ZNF609: variants seen among roughly 807,000 people sequenced by gnomAD.
ZNF609 encodes zinc finger protein 609.
A neutral mutation model predicts 109.5 loss-of-function variants in ZNF609; 11 were observed. The ratio of observed to expected loss-of-function variants is 0.10; its 90% CI spans 0.06 to 0.17. The LOEUF (loss-of-function observed/expected upper bound fraction) is 0.17, where lower values mean the gene tolerates loss of function less well. Ranked by LOEUF, ZNF609 falls within the 10% of genes least tolerant of loss-of-function variation. The probability of loss-of-function intolerance (pLI) is 1.00; values close to 1 mark genes in which losing one functional copy is unlikely to be tolerated. For missense variants in ZNF609, 1,559 were observed against 1,772.4 expected, an observed-to-expected ratio of 0.88 and a Z score of 2.16; for synonymous variants, 646 against 662.0, an observed-to-expected ratio of 0.98 and a Z score of 0.37.
In ZNF609 at chr15:64,510,209, TTTTTTTTTTTTAACAGACAGGGTC is replaced by T. The variant is rs1225431679; in HGVS notation, c.747+10045_747+10068del. On this transcript the variant is annotated intron_variant, in intron 2 of 9. Coordinates refer to ENST00000326648, the MANE Select transcript of ZNF609 (RefSeq NM_015042.2). ...ACATTGTTATAATTTTTTTTTCTTT[TTTTTTTTTTTTAACAGACAGGGTC>T]TCCCTCTGTTGCCTAGGCTGCAGTG... Among the ~76,000 whole-genome samples the T allele has an allele frequency of 1.1e-3, 165 of 150,686 alleles. 1 individual carries two copies. Among genetic ancestry groups the T allele is most frequent in the African/African-American group, 3.7e-3 (153 of 41,228 alleles).
intron 1 of ZNF609, among the ~76,000 whole-genome samples, chr15:64,494,484 TCA>T (rs1359030302): frequency 6.6e-6 from 1 of 152,080 alleles, no homozygotes; most frequent in Non-Finnish European, 1.5e-5. Flanking sequence ...ACCCTCAGAG[TCA>T]CAGAGTTACT....
intron 2 of ZNF609, among the ~76,000 whole-genome samples, chr15:64,583,788 C>G (rs1895150018): frequency 6.6e-6 from 1 of 152,104 alleles, no homozygotes; most frequent in African/African-American, 2.4e-5. Flanking sequence ...ATCTAGAGCT[C>G]TGATTGTATC....
At chr15:64,656,227 C>A (rs1166721488) in intron 3 of ZNF609, among the ~76,000 whole-genome samples, 1 of 151,974 alleles carries the variant, frequency 6.6e-6, no homozygotes, top group Non-Finnish European at 1.5e-5. Context: ...TCACACCCAG[C>A]CAATTTTTGT....
chr15:64,669,114 A>G (rs1464482310), intron 3 of ZNF609, among the ~76,000 whole-genome samples: 2 of 152,122 alleles, frequency 1.3e-5, no homozygotes, highest in Non-Finnish European at 2.9e-5. Context: ...AAATGGGTAT[A>G]TGAATGAGTA....
chr15:64,670,387 G>A lies in ZNF609; in HGVS notation c.1015G>A (p.Val339Ile). The A allele has an allele frequency of 6.2e-7, 1 of 1,614,148 alleles. No homozygotes were observed. Residue 339 changes from valine to isoleucine, a missense_variant, in exon 4 of 10, where the codon GTA becomes ATA. Around this residue, in one of 4 missense-constraint regions of ZNF609, gnomAD observed 38 missense variants for 82.1 expected, o/e 0.46. Transcript: ENST00000326648. ...TGTAACGTGGAGGAACAAGACATAT[G>A]TAGGTACACTCCTTGACTGCACACG... Reference protein sequence around the residue: ...VNVTWRNKTYVGTLLDCTRHD... With the variant: ...VNVTWRNKTYIGTLLDCTRHD...
intron 2 of ZNF609, among the ~76,000 whole-genome samples, chr15:64,558,537 T>C (rs1326696227): frequency 1.3e-5 from 2 of 152,254 alleles, no homozygotes; most frequent in African/African-American, 4.8e-5. Context: ...TTAGAGTTTA[T>C]ATCTTCCTTC....
At chr15:64,592,970 G>A (rs1453284086) in intron 2 of ZNF609, 32 of 1,119,292 alleles carry the variant, frequency 2.9e-5, no homozygotes, top group Admixed American at 1.2e-4. Flanking sequence ...TCCGGTCCGT[G>A]CCTCCAAGAT....
chr15:64,609,910 C>T (rs1895690091), intron 2 of ZNF609, among the ~76,000 whole-genome samples: 1 of 151,812 alleles, frequency 6.6e-6, no homozygotes, highest in Admixed American at 6.6e-5. Context: ...CACCTGTAGT[C>T]CCAGCTGCTC....
At chr15:64,473,082 T>C (rs934936405) in intron 1 of ZNF609, among the ~76,000 whole-genome samples, 1 of 152,102 alleles carries the variant, frequency 6.6e-6, no homozygotes, top group Non-Finnish European at 1.5e-5. Flanking sequence ...GGCATATGCT[T>C]TCAGATGTAC....
chr15:64,502,940 T>C (rs960769479), intron 2 of ZNF609: 1 of 151,918 alleles, frequency 6.6e-6, no homozygotes, highest in Non-Finnish European at 1.5e-5. Context: ...GCACCCGTAA[T>C]CCCAGCTACT....
chr15:64,555,886 CAAAAAAA>C (rs963732035), intron 2 of ZNF609, among the ~76,000 whole-genome samples: 1,364 of 38,882 alleles, frequency 0.035, 19 homozygotes, highest in African/African-American at 0.11. Context: ...GACTCTGTCT[CAAAAAAA>C]AAAAAAAAAA....
At chr15:64,526,914 G>A (rs976647529) in intron 2 of ZNF609, among the ~76,000 whole-genome samples, 1 of 152,116 alleles carries the variant, frequency 6.6e-6, no homozygotes, top group African/African-American at 2.4e-5. Context: ...CAATCCCAAA[G>A]TGCTGGGATT....
chr15:64,655,939 A>C lies in ZNF609; in HGVS notation c.974-14407A>C, dbSNP rs908273485. Reference sequence around the variant, plus strand: ...TTGTGTAAAATGGAATAAGTAATTAACTAACAAGGGGAAGCTGAAAACAAC... The same window carrying C: ...TTGTGTAAAATGGAATAAGTAATTACCTAACAAGGGGAAGCTGAAAACAAC... On this transcript the variant is annotated intron_variant, in intron 3 of 9. Coordinates refer to ENST00000326648, the MANE Select transcript of ZNF609 (RefSeq NM_015042.2). Among the ~76,000 whole-genome samples the C allele has an allele frequency of 2.6e-5, 4 of 152,342 alleles. No homozygotes were observed. The South Asian group carries it at 6.2e-4, about 24-fold the overall frequency.
intron 2 of ZNF609, among the ~76,000 whole-genome samples, chr15:64,616,680 C>T (rs969676236): frequency 4.1e-4 from 62 of 151,460 alleles, no homozygotes; most frequent in African/African-American, 8.2e-4. Context: ...CCACCACACC[C>T]GGCTAATTTT....
Position 64,581,462 on chromosome 15 carries a change from TC to T in ZNF609, c.748-41362del, listed in dbSNP as rs772574703. Among the ~76,000 whole-genome samples, 7 of 152,072 alleles carry T rather than the reference TC, an allele frequency of 4.6e-5. 1 individual carries two copies. Among genetic ancestry groups the T allele is most frequent in the Non-Finnish European group, 8.8e-5 (6 of 68,006 alleles). The stretch of plus-strand genomic sequence containing the variant: ...TCAGGCAGCCACAAAGTTAAGCACT[TC>T]CCTATATTTTTCACAAATACTCCTA... On this transcript the variant is annotated intron_variant, in intron 2 of 9. Transcript: ENST00000326648.
At position 64,553,134 on chromosome 15, in the gene ZNF609, A is replaced by G. The variant is rs1015247054; in HGVS notation, c.747+52968A>G. Among the ~76,000 whole-genome samples, 4 of 152,294 alleles carry G rather than the reference A, an allele frequency of 2.6e-5. No individual in the cohort carries two copies. In the East Asian group the frequency reaches 7.7e-4, roughly 29 times the overall value. On this transcript the variant is annotated intron_variant, in intron 2 of 9. Transcript: ENST00000326648. ...TGTCTATCTTAGTTGGCATTACTAC[A>G]TGTCTTGATTACTATAACTTTATAA... is the stretch of plus-strand genomic sequence containing the variant.
rs569189341 is a variant in ZNF609, at chr15:64,475,919, C to T, written c.-128+15081C>T. Among the ~76,000 whole-genome samples the T allele has an allele frequency of 7.2e-5, 11 of 152,274 alleles. No homozygotes were observed. The East Asian group carries it at 2.1e-3, about 29-fold the overall frequency. ...TTTTTATGCAAAAGTAACGTAACTT[C>T]CATTCAACACATTTTATCCCAAATT... On this transcript the variant is annotated intron_variant, in intron 1 of 9. Transcript: ENST00000326648.
intron 3 of ZNF609, among the ~76,000 whole-genome samples, chr15:64,625,914 A>AAT (rs1330194907): frequency 8.4e-4 from 87 of 103,034 alleles, no homozygotes; most frequent in South Asian, 6.0e-3. Context: ...AAAAAAAAAA[A>AAT]ATATATATAT....
chr15:64,672,215 T>C (rs1319871999), intron 4 of ZNF609, among the ~76,000 whole-genome samples: 1 of 149,702 alleles, frequency 6.7e-6, no homozygotes, highest in Non-Finnish European at 1.5e-5. Flanking sequence ...GGTTTCACCG[T>C]TTTAGCCAGG....
Sources: gnomAD v4.1 joint callset for allele counts (sites outside exome capture counted in the v4.1 genomes callset) on GRCh38, gnomAD v4.1.1 for gene constraint, gnomAD v4.1.1 regional missense constraint, MANE v1.5 for transcripts, NCBI Gene and HGNC (gene_info 2026-07-23, HGNC 2026-07-21) for gene names.